RPL27A: variants seen among roughly 807,000 people sequenced by gnomAD.
RPL27A encodes the protein large ribosomal subunit protein uL15.
For synonymous variants in RPL27A, 69 were observed against 68.3 expected, an observed-to-expected ratio of 1.01 and a Z score of -0.05; for missense variants, 118 against 189.4, an observed-to-expected ratio of 0.62 and a Z score of 2.21.
At position 8,683,999 on chromosome 11, in the gene RPL27A, C is replaced by T; in HGVS notation, c.68-7C>T. The T allele has an allele frequency of 1.2e-6, 2 of 1,610,462 alleles. No individual in the cohort carries two copies. The highest frequency in any genetic ancestry group is 1.7e-5 in the Admixed American group (1 of 60,020). On this transcript the variant is annotated splice_region_variant and splice_polypyrimidine_tract_variant and intron_variant, in intron 2 of 4. Transcript: ENST00000314138. ...CACCGGCCCCACGTAGCTTTGTATT[C>T]CTGCAGGCAAGCACCGGAAGCACCC...
At chr11:8,684,662 A>C in intron 3 of RPL27A, 56 bp from the exon 4 acceptor site, 1 of 1,464,294 alleles carries the variant, frequency 6.8e-7, no homozygotes, top group Non-Finnish European at 9.5e-7. Context: ...TATAAAGATG[A>C]TAAACATAGC....
Position 8,686,058 on chromosome 11 carries a change from G to GC in RPL27A, c.*253dup. On this transcript the variant is annotated 3_prime_UTR_variant, in exon 5 of 5. Transcript: ENST00000314138. ...ATACCTGTTGATCACTGAAAGGCCT[G>GC]CATGTATTGTACTCTGAATTTTACA... The GC allele has an allele frequency of 2.2e-6, 1 of 446,944 alleles. No homozygotes were observed. The highest frequency in any genetic ancestry group is 4.1e-5 in the East Asian group (1 of 24,570). The allele number at this position is 446,944 out of a possible 1,614,324, so 27.7% of individuals were successfully genotyped here.
At chr11:8,682,861 C>T (rs1159800680) in intron 1 of RPL27A, 45 bp downstream of exon 1, 6 of 1,596,738 alleles carry the variant, frequency 3.8e-6, no homozygotes, top group Admixed American at 3.4e-5. Context: ...CGGCGGAGAC[C>T]CCTAAGCTGT....
At chr11:8,684,472 T>C (rs1220869567) in intron 3 of RPL27A, 1 of 689,368 alleles carries the variant, frequency 1.5e-6, no homozygotes, top group African/African-American at 1.7e-5. Flanking sequence ...TGAATTTTAG[T>C]CTCGGCCCTG....
intron 1 of RPL27A, 42 bp downstream of exon 1, chr11:8,682,858 G>C: frequency 6.2e-7 from 1 of 1,601,596 alleles, no homozygotes; most frequent in Non-Finnish European, 8.5e-7. Context: ...TGCCGGCGGA[G>C]ACCCCTAAGC....
At chr11:8,684,157 G>C (rs559512477) in intron 3 of RPL27A, 76 bp downstream of exon 3, 10 of 1,231,672 alleles carry the variant, frequency 8.1e-6, no homozygotes, top group Non-Finnish European at 1.1e-5. Context: ...TAAACAAAAA[G>C]TTTAGAAGCA....
rs1292554714 is a variant in RPL27A at position 8,687,309 on chromosome 11, G to C, written c.*1503G>C. 1 of 150,264 alleles carries C rather than the reference G, an allele frequency of 6.7e-6. No homozygotes were observed. Among genetic ancestry groups the C allele is most frequent in the African/African-American group, 2.4e-5 (1 of 40,872 alleles). 9.3% of individuals were successfully genotyped at this position (150,264 alleles called of 1,614,324 possible). A position where few individuals can be genotyped will look rare whatever the true frequency, so the allele number is the denominator to read the frequency against. ...AGCTACTTTGGAGGCTGAGCCAGGA[G>C]AATCTCCAGGAGGCGGAGGTTGCTG... On this transcript the variant is annotated 3_prime_UTR_variant, in exon 5 of 5. Transcript: ENST00000314138.
At chr11:8,683,579 C>CGGT in intron 2 of RPL27A, 2 of 516,870 alleles carry the variant, frequency 3.9e-6, no homozygotes, top group South Asian at 4.3e-5. Context: ...AAACCGGCAT[C>CGGT]GGTAGGGTGG....
chr11:8,684,487 TG>T (rs2039564714), intron 3 of RPL27A: 1 of 683,338 alleles, frequency 1.5e-6, no homozygotes, highest in South Asian at 1.6e-5. Flanking sequence ...GCCCTGCCTC[TG>T]ACATTGTCGG....
rs372448230 is a variant in RPL27A, at chr11:8,685,535, C to T, written c.319-143C>T. The T allele has an allele frequency of 8.0e-4, 694 of 867,650 alleles. 3 individuals are homozygous for T. In the African/African-American group the frequency reaches 9.4e-3, roughly 12 times the overall value. 53.7% of individuals were successfully genotyped at this position (867,650 alleles called of 1,614,324 possible). On this transcript the variant is annotated intron_variant, in intron 4 of 4. Transcript: ENST00000314138. Reference sequence around the variant, plus strand: ...GTCTTGATTCACTGGTGGGGGCAGTCGGTGCCCCCGTTAGTGCCCAGATCA... The same window carrying T: ...GTCTTGATTCACTGGTGGGGGCAGTTGGTGCCCCCGTTAGTGCCCAGATCA...
chr11:8,684,321 C>T (rs1361510145), intron 3 of RPL27A: 2 of 744,790 alleles, frequency 2.7e-6, no homozygotes, highest in Non-Finnish European at 4.9e-6. Flanking sequence ...GGCTGTGGGC[C>T]TTATGGCACA....
At chr11:8,682,994 G>A (rs1260017791) in intron 1 of RPL27A, 178 bp downstream of exon 1, 1 of 930,518 alleles carries the variant, frequency 1.1e-6, no homozygotes. Context: ...CCGTGTGTTA[G>A]GCCCGCGGTT....
chr11:8,683,530 G>T, intron 2 of RPL27A: 1 of 562,762 alleles, frequency 1.8e-6, no homozygotes, highest in Non-Finnish European at 3.2e-6. Context: ...AACCTGAAAA[G>T]ATGTTTCACC....
At position 8,686,269 on chromosome 11, in the gene RPL27A, C is replaced by A; in HGVS notation, c.*463C>A. 1 of 154,528 alleles carries A rather than the reference C, an allele frequency of 6.5e-6. No individual in the cohort carries two copies. Among genetic ancestry groups the A allele is most frequent in the Non-Finnish European group, 1.4e-5 (1 of 69,874 alleles). 9.6% of individuals were successfully genotyped at this position (154,528 alleles called of 1,614,324 possible). ...TTTTTTTTTTTTAAACGGAGTCTCT[C>A]TTGCCAGGCTGGAGTGCAGTGGCAC... On this transcript the variant is annotated 3_prime_UTR_variant, in exon 5 of 5. Transcript: ENST00000314138.
rs1234836717 is a variant in RPL27A, at chr11:8,687,347, G to A, written c.*1541G>A. ...GCGGAGGTTGCTGTGAGCCGAGATC[G>A]TGCCATTGCACTCCAGCTTGGGCAA... On this transcript the variant is annotated 3_prime_UTR_variant, in exon 5 of 5. Coordinates refer to ENST00000314138, the MANE Select transcript of RPL27A (RefSeq NM_000990.5). 6 of 142,830 alleles carry A rather than the reference G, an allele frequency of 4.2e-5. No homozygotes were observed. The highest frequency in any genetic ancestry group is 2.3e-4 in the Admixed American group (3 of 13,148). The allele number at this position is 142,830 out of a possible 1,614,324, so 8.8% of individuals were successfully genotyped here.
At chr11:8,683,174 G>C (rs200301068) in intron 1 of RPL27A, 28 bp from the exon 2 acceptor site, 1 of 1,612,322 alleles carries the variant, frequency 6.2e-7, no homozygotes, top group Non-Finnish European at 8.5e-7. Flanking sequence ...AATTCCTTAG[G>C]CCTTACCACC....
At chr11:8,685,217 C>T (rs2039574892) in intron 4 of RPL27A, 5 of 439,888 alleles carry the variant, frequency 1.1e-5, no homozygotes, top group South Asian at 1.0e-4. Context: ...GATTTTCCCC[C>T]AAAACAGATG....
At chr11:8,683,971 TCA>T in intron 2 of RPL27A, 33 bp from the exon 3 acceptor site, 1 of 1,585,732 alleles carries the variant, frequency 6.3e-7, no homozygotes, top group African/African-American at 1.3e-5. Context: ...GCATGAGCCA[TCA>T]CACCGGCCCC....
rs1445880673 is a variant in RPL27A at position 8,689,834 on chromosome 11, G to A, written c.*4028G>A. Reference sequence around the variant, plus strand: ...TTTTGGTATAAAGTAGGTTATAAGTGTACATGCGAAAAGATGTTTTTAACA... The same window carrying A: ...TTTTGGTATAAAGTAGGTTATAAGTATACATGCGAAAAGATGTTTTTAACA... On this transcript the variant is annotated 3_prime_UTR_variant, in exon 5 of 5. Coordinates refer to ENST00000314138, the MANE Select transcript of RPL27A (RefSeq NM_000990.5). 6.6e-6 allele frequency: 1 copy of A among 152,188 alleles called. No homozygotes were observed. Among genetic ancestry groups the A allele is most frequent in the Non-Finnish European group, 1.5e-5 (1 of 68,034 alleles). 9.4% of individuals were successfully genotyped at this position (152,188 alleles called of 1,614,324 possible).
Sources: allele counts gnomAD v4.1 joint callset, GRCh38; gene constraint gnomAD v4.1.1; transcripts MANE v1.5; gene names NCBI Gene and HGNC (gene_info 2026-07-23, HGNC 2026-07-21).